Variants in OR13C3 observed in about 807,000 individuals in gnomAD.
OR13C3 encodes the protein olfactory receptor family 13 subfamily C member 3, also known as olfactory receptor 13C3.
A neutral mutation model predicts 14.4 loss-of-function variants in OR13C3; 19 were observed. That is an observed-to-expected ratio of 1.31 (90% confidence interval 0.92 to 1.93). OR13C3 has a LOEUF of 1.93. Ranked by LOEUF, OR13C3 falls within the 30% of genes most tolerant of loss-of-function variation. The probability of loss-of-function intolerance (pLI) is 0.00; values close to 1 mark genes in which losing one functional copy is unlikely to be tolerated. For missense variants in OR13C3, 394 were observed against 381.4 expected (o/e 1.03, Z -0.27); for synonymous variants, 140 against 142.5 (o/e 0.98, Z 0.12).
In OR13C3 at chr9:104,536,618, G is replaced by T. The variant is rs768125509; in HGVS notation, c.106C>A (p.Leu36Ile). The change falls in exon 1 of 1, where the codon CTA becomes ATA. Residue 36 changes from leucine (L) to isoleucine (I), a missense_variant. Transcript: ENST00000641090. Reference sequence around the variant, plus strand: ...ACACCATTGCCAATTAGAATCACTAGGTACATAACTAGAATGAGAGCAAAG... The same window carrying T: ...ACACCATTGCCAATTAGAATCACTATGTACATAACTAGAATGAGAGCAAAG... 6 of 1,613,962 alleles carry T rather than the reference G, an allele frequency of 3.7e-6. No homozygotes were observed. In the South Asian group the frequency reaches 6.6e-5, roughly 18 times the overall value.
At chr9:104,536,291 C>T in exon 1 of OR13C3, 2 of 1,614,054 alleles carry the variant, frequency 1.2e-6, no homozygotes, top group Non-Finnish European at 8.5e-7. Flanking sequence ...GACACAGAAG[C>T]CATCAATACA....
exon 1 of OR13C3, chr9:104,536,212 T>C: frequency 6.2e-7 from 1 of 1,614,082 alleles, no homozygotes; most frequent in East Asian, 2.2e-5. Flanking sequence ...GATAATATTA[T>C]TCCCACAGAA....
exon 1 of OR13C3, chr9:104,535,931 G>C: frequency 1.9e-6 from 3 of 1,614,110 alleles, no homozygotes; most frequent in Non-Finnish European, 2.5e-6. Flanking sequence ...ATCAGGTCTT[G>C]AGACTTCGGT....
Position 104,536,796 on chromosome 9 carries a change from A to C in OR13C3, c.-73T>G. The C allele has an allele frequency of 6.2e-7, 1 of 1,610,452 alleles. No homozygotes were observed. Among genetic ancestry groups the C allele is most frequent in the African/African-American group, 1.3e-5 (1 of 74,844 alleles). On this transcript the variant is annotated 5_prime_UTR_variant, in exon 1 of 1. In the 5' UTR this introduces an upstream ATG that the reference lacks. Transcript: ENST00000641090. Reference sequence around the variant, plus strand: ...TTACTGCCAAGAAACAAACAGTACAAATTAACTGAACAATCATTCTTTTGA... The same window carrying C: ...TTACTGCCAAGAAACAAACAGTACACATTAACTGAACAATCATTCTTTTGA...
chr9:104,536,246 T>C, exon 1 of OR13C3: 1 of 1,614,140 alleles, frequency 6.2e-7, no homozygotes, highest in Non-Finnish European at 8.5e-7. Context: ...GCAAGTAATG[T>C]TTGCACAGCT....
exon 1 of OR13C3, chr9:104,536,006 T>C: frequency 6.2e-7 from 1 of 1,613,972 alleles, no homozygotes; most frequent in African/African-American, 1.3e-5. Context: ...GCTGAGCACG[T>C]GGAAAATGCC....
At chr9:104,536,234 T>G in exon 1 of OR13C3, 2 of 1,614,152 alleles carry the variant, frequency 1.2e-6, no homozygotes, top group Non-Finnish European at 1.7e-6. Context: ...GGCAGTCTCA[T>G]GGCAAGTAAT....
At chr9:104,536,301 A>G (rs762761224) in exon 1 of OR13C3, 1 of 1,614,152 alleles carries the variant, frequency 6.2e-7, no homozygotes, top group South Asian at 1.1e-5. Context: ...CCATCAATAC[A>G]TACGCCACCT....
chr9:104,536,069 T>C, exon 1 of OR13C3: 3 of 1,613,906 alleles, frequency 1.9e-6, no homozygotes, highest in African/African-American at 1.3e-5. Context: ...AGGATGAACA[T>C]ATAGGAGAAA....
exon 1 of OR13C3, chr9:104,536,526 G>A (rs1828819638): frequency 6.2e-7 from 1 of 1,614,048 alleles, no homozygotes; most frequent in Non-Finnish European, 8.5e-7. Context: ...CCAGGAAAGA[G>A]AGGTTGCCCA....
rs776271016 is a variant in OR13C3 at position 104,536,290 on chromosome 9, G to A, written c.434C>T (p.Ala145Val). The A allele has an allele frequency of 8.7e-6, 14 of 1,613,966 alleles. No individual in the cohort carries two copies. In the East Asian group the frequency reaches 2.2e-4, roughly 26 times the overall value. The change falls in exon 1 of 1, where the codon GCT becomes GTT. Residue 145 changes from alanine (A) to valine (V), a missense_variant. Ala to Val is a moderately conservative substitution (Grantham distance 64). Transcript: ENST00000641090. ...TCCACCGGACAGCCAGGACACAGAA[G>A]CCATCAATACATACGCCACCTTGCT...
exon 1 of OR13C3, chr9:104,536,555 T>A: frequency 6.2e-7 from 1 of 1,614,108 alleles, no homozygotes; most frequent in Non-Finnish European, 8.5e-7. Context: ...TACATTGGTG[T>A]GTGAAAATGA....
exon 1 of OR13C3, chr9:104,536,600 T>C (rs773532136): frequency 1.2e-6 from 2 of 1,613,582 alleles, no homozygotes; most frequent in South Asian, 2.2e-5. Flanking sequence ...AGAACACCAT[T>C]GCCAATTAGA....
At chr9:104,536,385 C>G in exon 1 of OR13C3, 1 of 1,614,144 alleles carries the variant, frequency 6.2e-7, no homozygotes, top group Non-Finnish European at 8.5e-7. Flanking sequence ...TGCCAAGAAG[C>G]AGACATTCTG....
At chr9:104,536,738 G>A in exon 1 of OR13C3, 1 of 1,613,710 alleles carries the variant, frequency 6.2e-7, no homozygotes, top group Non-Finnish European at 8.5e-7. Context: ...TCTGCTTTCA[G>A]GAAATCAAAA....
chr9:104,536,589 TAGA>T (rs1828821254), exon 1 of OR13C3: 2 of 1,613,832 alleles, frequency 1.2e-6, no homozygotes, highest in Non-Finnish European at 1.7e-6. Context: ...TGGCTATGAT[TAGA>T]ACACCATTGC....
chr9:104,536,719 C>T (rs549034494), exon 1 of OR13C3: 2 of 1,613,754 alleles, frequency 1.2e-6, no homozygotes, highest in South Asian at 1.1e-5. Context: ...GTTAATCTCA[C>T]CCATGTCATC....
At chr9:104,536,768 T>A (rs537831775) in exon 1 of OR13C3, 3 of 1,613,700 alleles carry the variant, frequency 1.9e-6, no homozygotes, top group Admixed American at 1.7e-5. Flanking sequence ...ACATGAAATG[T>A]ATTTACTGCC....
At chr9:104,536,584 A>G in exon 1 of OR13C3, 1 of 1,614,082 alleles carries the variant, frequency 6.2e-7, no homozygotes, top group South Asian at 1.1e-5. Context: ...GATGCTGGCT[A>G]TGATTAGAAC....
Sources: gnomAD v4.1 joint callset for allele counts on GRCh38, gnomAD v4.1.1 for gene constraint, MANE v1.5 for transcripts, NCBI Gene and HGNC (gene_info 2026-07-23, HGNC 2026-07-21) for gene names.